The following GTF3C1 variants were observed in gnomAD, a reference collection of about 807,000 sequenced individuals.
GTF3C1 encodes general transcription factor 3C polypeptide 1.
A neutral mutation model predicts 226.7 loss-of-function variants in GTF3C1; 57 were observed. The observed-to-expected ratio is 0.25, with a 90% CI of 0.20 to 0.31. The LOEUF (loss-of-function observed/expected upper bound fraction) is 0.31. Ranked by LOEUF, GTF3C1 falls within the 10% of genes least tolerant of loss-of-function variation. The probability of loss-of-function intolerance (pLI) is 1.00; values close to 1 mark genes in which losing one functional copy is unlikely to be tolerated. For missense variants in GTF3C1, 2,217 were observed against 2,776.1 expected (o/e 0.80, Z 4.53); for synonymous variants, 1,090 against 1,084.8 (o/e 1.00, Z -0.09).
chr16:27,497,117 A>G (rs558614249), intron 14 of GTF3C1, among the ~76,000 whole-genome samples: 7 of 152,194 alleles, frequency 4.6e-5, no homozygotes, highest in Non-Finnish European at 1.0e-4. Context: ...GAACCAGCAC[A>G]TGTGCTATGG....
intron 32 of GTF3C1, among the ~76,000 whole-genome samples, chr16:27,468,616 G>A (rs1030441807): frequency 6.6e-6 from 1 of 152,000 alleles, no homozygotes; most frequent in African/African-American, 2.4e-5. Context: ...TAAAAAATAG[G>A]CTTGGTGTGG....
chr16:27,472,285 C>T (rs990663511), intron 29 of GTF3C1, among the ~76,000 whole-genome samples: 3 of 152,162 alleles, frequency 2.0e-5, no homozygotes, highest in African/African-American at 7.2e-5. Flanking sequence ...GGCCTCCCAC[C>T]CAGCCAAAAG....
Position 27,494,879 on chromosome 16 carries a change from A to T in GTF3C1, c.2662T>A (p.Tyr888Asn). The change falls in exon 16 of 37, where the codon TAC becomes AAC. Residue 888 changes from tyrosine (Y) to asparagine (N), a missense_variant. This residue lies in a region of GTF3C1 where 353 missense variants were observed against 411.7 expected (regional missense o/e 0.86). Transcript: ENST00000356183. ...VYVDDASWMRYIPPIPVHRDF... is the reference protein window; with the variant it reads ...VYVDDASWMRNIPPIPVHRDF... ...CTGTGGACTGGGATTGGGGGGATGT[A>T]GCGCATCCACGAGGCATCGTCGACA... The T allele has an allele frequency of 1.2e-6, 2 of 1,613,318 alleles. No individual in the cohort carries two copies. Among genetic ancestry groups the T allele is most frequent in the Non-Finnish European group, 1.7e-6 (2 of 1,179,282 alleles).
intron 6 of GTF3C1, among the ~76,000 whole-genome samples, chr16:27,525,839 T>C (rs1324523735): frequency 2.0e-5 from 3 of 152,276 alleles, no homozygotes; most frequent in Admixed American, 2.0e-4. Context: ...TTGGAATTAA[T>C]AACTGCACTT....
chr16:27,481,129 T>G lies in GTF3C1; in HGVS notation c.4146A>C (p.Leu1382=). ...CTGGGATTTCAAGGTTAGAATTCCT[T>G]AGGGCTGAACTGAACTTTTCTTTAA... The part of the protein sequence containing the change: ...EKLKEKFSSA[L]RNSNLEIPDT... The change falls in exon 27 of 37, where the codon CTA becomes CTC. Residue 1382 remains leucine, a synonymous_variant. Transcript: ENST00000356183. 6.2e-7 allele frequency: 1 copy of G among 1,614,230 alleles called. No individual in the cohort carries two copies. Among genetic ancestry groups the G allele is most frequent in the East Asian group, 2.2e-5 (1 of 44,888 alleles).
chr16:27,479,833 G>A (rs1403637596), intron 27 of GTF3C1, among the ~76,000 whole-genome samples: 1 of 152,138 alleles, frequency 6.6e-6, no homozygotes, highest in Non-Finnish European at 1.5e-5. Flanking sequence ...GTATTAAACT[G>A]TTACACTTGC....
intron 12 of GTF3C1, among the ~76,000 whole-genome samples, chr16:27,500,418 C>T (rs2088388203): frequency 6.6e-6 from 1 of 152,244 alleles, no homozygotes; most frequent in Non-Finnish European, 1.5e-5. Flanking sequence ...TTTTGTACTG[C>T]TCTGCAGTTT....
At chr16:27,500,247 C>T (rs1596636756) in intron 12 of GTF3C1, among the ~76,000 whole-genome samples, 1 of 152,144 alleles carries the variant, frequency 6.6e-6, no homozygotes, top group Middle Eastern at 3.4e-3. Context: ...AGCACAGGAA[C>T]ACACTGCCAC....
chr16:27,545,597 A>T lies in GTF3C1; in HGVS notation c.222-74T>A, dbSNP rs554306582. The T allele has an allele frequency of 1.2e-5, 10 of 845,224 alleles. No individual in the cohort carries two copies. In the East Asian group the frequency reaches 2.3e-4, roughly 19 times the overall value. 52.4% of individuals were successfully genotyped at this position (845,224 alleles called of 1,614,324 possible). A position where few individuals can be genotyped will look rare whatever the true frequency, so the allele number is the denominator to read the frequency against. ...ATGTGTGCTTGGCTGTGTTCTTTTG[A>T]CAACCTCCAGCAGAGATCAGAGAGA... is the stretch of plus-strand genomic sequence containing the variant. On this transcript the variant is annotated intron_variant, in intron 1 of 36. Transcript: ENST00000356183.
chr16:27,534,631 G>A lies in GTF3C1; in HGVS notation c.753-1244C>T, dbSNP rs139280262. 2.9e-3 allele frequency among the ~76,000 whole-genome samples: 442 copies of A among 152,358 alleles called. 4 individuals carry two copies. The highest frequency in any genetic ancestry group is 4.9e-3 in the Non-Finnish European group (335 of 68,030). On this transcript the variant is annotated intron_variant, in intron 4 of 36. Coordinates refer to ENST00000356183, the MANE Select transcript of GTF3C1 (RefSeq NM_001520.4). ...ATGGAAATACAGATCTTGACTTAAT[G>A]CAGTGTTCTCTCTCCTACCCCACAG...
At chr16:27,520,140 G>T (rs947814071) in intron 6 of GTF3C1, among the ~76,000 whole-genome samples, 2 of 152,080 alleles carry the variant, frequency 1.3e-5, no homozygotes, top group African/African-American at 4.8e-5. Flanking sequence ...TTGTTGACAT[G>T]GAGTCTCACT....
intron 6 of GTF3C1, among the ~76,000 whole-genome samples, chr16:27,517,928 T>C (rs2141421596): frequency 6.6e-6 from 1 of 152,260 alleles, no homozygotes; most frequent in Non-Finnish European, 1.5e-5. Flanking sequence ...GCACGATTCA[T>C]AGTAAAGGAA....
chr16:27,521,044 A>C (rs573977350), intron 6 of GTF3C1, among the ~76,000 whole-genome samples: 9 of 152,200 alleles, frequency 5.9e-5, no homozygotes, highest in African/African-American at 2.2e-4. Context: ...AAGCGCGATC[A>C]ATAGATGGGA....
rs758955310 is a variant in GTF3C1 at position 27,508,549 on chromosome 16, T to G, written c.1233A>C (p.Lys411Asn). ...RMLCRLLQRF[K>N]VVKGFMEDEG... ...AGGCTCATGATGTTACCTTGACAAC[T>G]TTGAATCTTTGAAGAAGTCGGCACA... Residue 411 changes from lysine (K) to asparagine (N), a missense_variant, in exon 8 of 37, where the codon AAA (lysine) becomes AAC (asparagine). Lys to Asn is a moderately conservative substitution (Grantham distance 94). This residue lies in a region of GTF3C1 where 25 missense variants were observed against 71.9 expected (regional missense o/e 0.35). Transcript: ENST00000356183. The G allele has an allele frequency of 6.2e-7, 1 of 1,612,412 alleles. No homozygotes were observed. The highest frequency in any genetic ancestry group is 8.5e-7 in the Non-Finnish European group (1 of 1,178,430).
chr16:27,503,073 C>A lies in GTF3C1; in HGVS notation c.1771-78G>T, dbSNP rs75198717. ...GCCACGCACCACACCTGTGGGTGCA[C>A]TGGCCCTCTTCAAGAAACTTCTACT... On this transcript the variant is annotated intron_variant, in intron 10 of 36. Transcript: ENST00000356183. 406 of 1,075,948 alleles carry A rather than the reference C, an allele frequency of 3.8e-4. 3 individuals carry two copies. The highest frequency in any genetic ancestry group is 2.9e-3 in the African/African-American group (186 of 64,004). The allele number at this position is 1,075,948 out of a possible 1,614,324, so 66.7% of individuals were successfully genotyped here. A position where few individuals can be genotyped will look rare whatever the true frequency, so the allele number is the denominator to read the frequency against.
At chr16:27,549,181 C>T (rs2089228210) in intron 1 of GTF3C1, among the ~76,000 whole-genome samples, 1 of 151,978 alleles carries the variant, frequency 6.6e-6, no homozygotes, top group African/African-American at 2.4e-5. Flanking sequence ...AAGAACAGCA[C>T]CTCACCCATG....
At chr16:27,545,740 C>T (rs945081082) in intron 1 of GTF3C1, among the ~76,000 whole-genome samples, 3 of 152,206 alleles carry the variant, frequency 2.0e-5, no homozygotes, top group South Asian at 2.1e-4. Flanking sequence ...ATTCCAGAAG[C>T]TGGGTGCTGG....
intron 2 of GTF3C1, among the ~76,000 whole-genome samples, chr16:27,542,448 C>A (rs1010094593): frequency 6.6e-5 from 10 of 152,038 alleles, no homozygotes. Flanking sequence ...GTAAACCCAG[C>A]TACTTGGGAG....
chr16:27,535,826 C>G (rs1480856566), intron 4 of GTF3C1, among the ~76,000 whole-genome samples: 1 of 151,488 alleles, frequency 6.6e-6, no homozygotes, highest in Non-Finnish European at 1.5e-5. Context: ...CCAGCCTGGG[C>G]AACAAGAGCG....
Sources: gnomAD v4.1 joint callset for allele counts (sites outside exome capture counted in the v4.1 genomes callset) on GRCh38, gnomAD v4.1.1 for gene constraint, gnomAD v4.1.1 regional missense constraint, MANE v1.5 for transcripts, NCBI Gene and HGNC (gene_info 2026-07-23, HGNC 2026-07-21) for gene names.